TOX2: variants seen among roughly 807,000 people sequenced by gnomAD.
TOX2 encodes the protein granulosa cell HMG box 1.
Under a neutral mutation model 47.4 loss-of-function variants are expected in TOX2, and 15 were observed. The ratio of observed to expected loss-of-function variants is 0.32; its 90% CI spans 0.21 to 0.49. The LOEUF (loss-of-function observed/expected upper bound fraction) is 0.49, where lower values mean the gene tolerates loss of function less well. TOX2 is among the 20% of genes least tolerant of loss of function. The probability of loss-of-function intolerance (pLI) is 0.99; values close to 1 mark genes in which losing one functional copy is unlikely to be tolerated. For missense variants in TOX2, 622 were observed against 673.1 expected (o/e 0.92, Z 0.84); for synonymous variants, 290 against 296.6 (o/e 0.98, Z 0.23).
intron 1 of TOX2, among the ~76,000 whole-genome samples, chr20:43,924,747 TTTATC>T (rs1268736959): frequency 6.6e-6 from 1 of 152,244 alleles, no homozygotes; most frequent in African/African-American, 2.4e-5. Flanking sequence ...CATTTTCCTC[TTTATC>T]TTGAGTCCTG....
intron 4 of TOX2, 127 bp from the exon 5 acceptor site, chr20:44,054,172 T>G: frequency 1.1e-6 from 1 of 930,426 alleles, no homozygotes; most frequent in Non-Finnish European, 1.7e-6. Context: ...GCCCCCTCCA[T>G]CGCGCGAGTG....
At chr20:43,959,999 C>T (rs2069731485) in intron 1 of TOX2, among the ~76,000 whole-genome samples, 1 of 152,198 alleles carries the variant, frequency 6.6e-6, no homozygotes, top group Non-Finnish European at 1.5e-5. Context: ...CATTCCACCC[C>T]TTCCTAGCTG....
intron 3 of TOX2, among the ~76,000 whole-genome samples, chr20:44,046,578 A>T (rs187097157): frequency 7.4e-4 from 112 of 152,328 alleles, no homozygotes; most frequent in African/African-American, 2.6e-3. Context: ...GATAAGCAAA[A>T]TGTAGTCTAT....
chr20:44,060,445 A>G (rs1327998587), intron 5 of TOX2, among the ~76,000 whole-genome samples: 1 of 152,198 alleles, frequency 6.6e-6, no homozygotes, highest in African/African-American at 2.4e-5. Flanking sequence ...CAACTGCAGA[A>G]TATACATTCT....
At chr20:43,992,612 G>A (rs556607233) in intron 2 of TOX2, among the ~76,000 whole-genome samples, 76 of 152,202 alleles carry the variant, frequency 5.0e-4, no homozygotes, top group African/African-American at 1.8e-3. Context: ...AGTAATACCA[G>A]CATGGAGAAG....
chr20:44,029,722 C>T (rs2071120579), intron 3 of TOX2, among the ~76,000 whole-genome samples: 1 of 152,144 alleles, frequency 6.6e-6, no homozygotes, highest in African/African-American at 2.4e-5. Flanking sequence ...AGAAAGTTGT[C>T]CTGTGACACC....
At chr20:43,973,551 T>C in intron 2 of TOX2, 119 bp downstream of exon 2, 1 of 794,214 alleles carries the variant, frequency 1.3e-6, no homozygotes, top group East Asian at 2.6e-5. Flanking sequence ...TGCTGTCTTC[T>C]CTCTGAATGA....
chr20:43,978,232 C>T (rs1019692864), intron 2 of TOX2, among the ~76,000 whole-genome samples: 9 of 152,070 alleles, frequency 5.9e-5, no homozygotes, highest in African/African-American at 1.7e-4. Flanking sequence ...GTCTAGAAAC[C>T]GATATCCTTA....
intron 1 of TOX2, among the ~76,000 whole-genome samples, chr20:43,964,991 T>C (rs1362087662): frequency 2.0e-5 from 3 of 152,180 alleles, no homozygotes; most frequent in African/African-American, 7.2e-5. Flanking sequence ...GCTAACCTTA[T>C]CCTGGCCTTT....
intron 3 of TOX2, among the ~76,000 whole-genome samples, chr20:44,017,675 A>T (rs1038618539): frequency 2.6e-5 from 4 of 152,232 alleles, no homozygotes; most frequent in Non-Finnish European, 5.9e-5. Flanking sequence ...AGCAGTTACT[A>T]TGGAACTGGC....
intron 1 of TOX2, among the ~76,000 whole-genome samples, chr20:43,947,723 G>A (rs1463335432): frequency 2.0e-5 from 3 of 152,214 alleles, no homozygotes; most frequent in Non-Finnish European, 2.9e-5. Context: ...GATCCTTTTA[G>A]TGTTAACACT....
At chr20:44,052,524 A>C (rs2071533645) in intron 4 of TOX2, among the ~76,000 whole-genome samples, 2 of 152,184 alleles carry the variant, frequency 1.3e-5, no homozygotes, top group African/African-American at 2.4e-5. Context: ...AGAGGGGTTT[A>C]CTTCTGGATC....
intron 1 of TOX2, among the ~76,000 whole-genome samples, chr20:43,941,245 C>G (rs1344124606): frequency 6.6e-6 from 1 of 151,678 alleles, no homozygotes; most frequent in Non-Finnish European, 1.5e-5. Context: ...AAAGTTGGTT[C>G]TAGGACAAAG....
chr20:44,051,252 T>A (rs543205439), intron 3 of TOX2, 54 bp from the exon 4 acceptor site: 5 of 1,545,930 alleles, frequency 3.2e-6, no homozygotes, highest in Non-Finnish European at 4.4e-6. Context: ...ACAGATGTGA[T>A]GGAGTGGCAG....
chr20:43,961,985 C>A (rs1470381876), intron 1 of TOX2, among the ~76,000 whole-genome samples: 4 of 152,206 alleles, frequency 2.6e-5, no homozygotes. Context: ...ACCATTCCCC[C>A]TCACAGCGCC....
intron 1 of TOX2, among the ~76,000 whole-genome samples, chr20:43,950,316 G>T (rs1334291774): frequency 1.3e-5 from 2 of 152,196 alleles, no homozygotes; most frequent in African/African-American, 2.4e-5. Context: ...GAGGTTCCTC[G>T]GATGTGCTGA....
At chr20:43,994,581 C>T (rs1412383322) in intron 2 of TOX2, among the ~76,000 whole-genome samples, 1 of 152,170 alleles carries the variant, frequency 6.6e-6, no homozygotes, top group African/African-American at 2.4e-5. Context: ...AAGTTATCCC[C>T]AGCCTTGCGA....
intron 2 of TOX2, among the ~76,000 whole-genome samples, chr20:43,997,588 C>T (rs2145572455): frequency 6.6e-6 from 1 of 151,728 alleles, no homozygotes; most frequent in South Asian, 2.1e-4. Flanking sequence ...TTTTATTAGC[C>T]TTTTCAAAAA....
intron 1 of TOX2, among the ~76,000 whole-genome samples, chr20:43,918,622 A>G (rs938862327): frequency 2.6e-5 from 4 of 152,224 alleles, no homozygotes; most frequent in African/African-American, 9.6e-5. Context: ...TTTTTGCTCA[A>G]TGTAATGTCT....
Sources: gnomAD v4.1 joint callset for allele counts (sites outside exome capture counted in the v4.1 genomes callset) on GRCh38, gnomAD v4.1.1 for gene constraint, MANE v1.5 for transcripts, NCBI Gene and HGNC (gene_info 2026-07-23, HGNC 2026-07-21) for gene names.